ZFHX3: variants seen among roughly 807,000 people sequenced by gnomAD.
The protein encoded by ZFHX3 is zinc finger homeobox protein 3.
Under a neutral mutation model 279.1 loss-of-function variants are expected in ZFHX3, and 42 were observed. The observed-to-expected ratio is 0.15, with a 90% CI of 0.12 to 0.19. The LOEUF (loss-of-function observed/expected upper bound fraction) is 0.19, where lower values mean the gene tolerates loss of function less well. Among genes scored for constraint, ZFHX3 ranks in the 10% least tolerant of loss-of-function variants. ZFHX3 has a pLI of 1.00. For synonymous variants in ZFHX3, 2,293 were observed against 1,957.8 expected (o/e 1.17, Z -4.52); for missense variants, 4,981 against 4,754.0 (o/e 1.05, Z -1.40).
intron 1 of ZFHX3, among the ~76,000 whole-genome samples, chr16:73,685,828 T>A (rs1567551602): frequency 1.3e-5 from 2 of 152,188 alleles, no homozygotes; most frequent in African/African-American, 4.8e-5. Context: ...AATGCTCTTT[T>A]ATGAGCACCC....
chr16:73,024,671 C>T (rs957083755), intron 1 of ZFHX3, among the ~76,000 whole-genome samples: 10 of 152,342 alleles, frequency 6.6e-5, no homozygotes, highest in South Asian at 6.2e-4. Context: ...AGTCGGGTTC[C>T]GCCTCCCAGA....
chr16:73,207,623 A>G (rs996654780), intron 5 of ZFHX3, among the ~76,000 whole-genome samples: 5 of 152,318 alleles, frequency 3.3e-5, no homozygotes, highest in Admixed American at 3.3e-4. Flanking sequence ...CTCACTAGAG[A>G]GGCGATATCA....
chr16:73,473,007 G>A (rs1261478192), intron 2 of ZFHX3, among the ~76,000 whole-genome samples: 1 of 148,756 alleles, frequency 6.7e-6, no homozygotes, highest in East Asian at 2.0e-4. Context: ...TTTTTGCCAG[G>A]ACCCTGACTA....
intron 4 of ZFHX3, among the ~76,000 whole-genome samples, chr16:72,864,431 G>A (rs1038959455): frequency 1.8e-4 from 27 of 152,040 alleles, no homozygotes; most frequent in African/African-American, 5.3e-4. Context: ...TCAGAGCGTC[G>A]TGCTCTCTTG....
At chr16:73,537,883 A>G (rs372306246) in intron 2 of ZFHX3, among the ~76,000 whole-genome samples, 1 of 152,248 alleles carries the variant, frequency 6.6e-6, no homozygotes, top group South Asian at 2.1e-4. Context: ...TCAAGCCACA[A>G]AGTAGTATCT....
intron 7 of ZFHX3, among the ~76,000 whole-genome samples, chr16:73,129,840 C>T (rs377207391): frequency 1.4e-4 from 21 of 152,132 alleles, no homozygotes; most frequent in African/African-American, 4.3e-4. Flanking sequence ...TTGTACTTAA[C>T]GCTTAGCAAT....
At chr16:73,304,392 C>T (rs1330474952) in intron 4 of ZFHX3, among the ~76,000 whole-genome samples, 1 of 152,106 alleles carries the variant, frequency 6.6e-6, no homozygotes, top group East Asian at 1.9e-4. Flanking sequence ...TGGAGACATA[C>T]GCACCTTGAG....
In ZFHX3 at chr16:73,689,856, G is replaced by A. The variant is rs1169088873; in HGVS notation, c.-1607-9616C>T. ...TGTTGTTTTTTTGAGATGGAGTCTCGCTCTGTCGCCCAGGCTGGAGTGCAG... is the reference window on the plus strand; with the variant it reads ...TGTTGTTTTTTTGAGATGGAGTCTCACTCTGTCGCCCAGGCTGGAGTGCAG... On this transcript the variant is annotated intron_variant, in intron 1 of 17. Transcript: ENST00000641206. Among the ~76,000 whole-genome samples the A allele has an allele frequency of 6.7e-5, 10 of 149,120 alleles. No homozygotes were observed. The East Asian group carries it at 7.8e-4, about 12-fold the overall frequency.
At chr16:73,355,108 C>A (rs1049553185) in intron 3 of ZFHX3, among the ~76,000 whole-genome samples, 1 of 152,118 alleles carries the variant, frequency 6.6e-6, no homozygotes. Context: ...TCGGGGGATA[C>A]GTGTTCCATT....
intron 2 of ZFHX3, among the ~76,000 whole-genome samples, chr16:73,599,344 C>T (rs547551583): frequency 3.1e-4 from 47 of 152,314 alleles, no homozygotes; most frequent in African/African-American, 1.1e-3. Context: ...TACAATCTAT[C>T]CAAGAAAAGT....
In ZFHX3 at chr16:72,958,471, C is replaced by G; in HGVS notation, c.1675G>C (p.Val559Leu). 1 of 1,614,116 alleles carries G rather than the reference C, an allele frequency of 6.2e-7. No homozygotes were observed. The highest frequency in any genetic ancestry group is 1.7e-5 in the Admixed American group (1 of 60,020). Residue 559 changes from valine to leucine, a missense_variant, in exon 2 of 10, where the codon GTT (valine) becomes CTT (leucine). This residue lies in a region of ZFHX3 where 1,068 missense variants were observed against 935.2 expected (regional missense o/e 1.14). Coordinates refer to ENST00000268489, the MANE Select transcript of ZFHX3 (RefSeq NM_006885.4). The part of the protein sequence containing the change: ...STSSNSASSF[V>L]VFDGANRRNR... ...CTCCTGTTCGCACCATCAAAGACAA[C>G]AAAGGAAGAAGCAGAATTAGAACTA...
intron 4 of ZFHX3, among the ~76,000 whole-genome samples, chr16:73,288,718 C>T (rs960860272): frequency 2.4e-4 from 36 of 152,110 alleles, no homozygotes; most frequent in Non-Finnish European, 3.7e-4. Flanking sequence ...TGCCGCTCTA[C>T]ACAAAAGGCG....
rs191973630 is a variant in ZFHX3 at position 73,271,578 on chromosome 16, C to A, written c.-1193-14442G>T. On this transcript the variant is annotated intron_variant, in intron 4 of 17. Transcript: ENST00000641206. ...TTGTGCCCCTGGACATGTTCCTTAACCTCCCTGTCCCTCAGTTTCTTCACC... is the reference window on the plus strand; with the variant it reads ...TTGTGCCCCTGGACATGTTCCTTAAACTCCCTGTCCCTCAGTTTCTTCACC... Among the ~76,000 whole-genome samples the A allele has an allele frequency of 5.4e-4, 83 of 152,356 alleles. 1 individual carries two copies. Among genetic ancestry groups the A allele is most frequent in the African/African-American group, 1.7e-3 (69 of 41,584 alleles).
chr16:73,782,961 C>T (rs932679063), intron 1 of ZFHX3, among the ~76,000 whole-genome samples: 23 of 152,176 alleles, frequency 1.5e-4, no homozygotes, highest in African/African-American at 5.5e-4. Context: ...GTGAAAACTT[C>T]AGGATACATA....
intron 3 of ZFHX3, among the ~76,000 whole-genome samples, chr16:73,376,989 T>A (rs2016734241): frequency 6.6e-6 from 1 of 151,372 alleles, no homozygotes; most frequent in Non-Finnish European, 1.5e-5. Flanking sequence ...TTTTTTTTTT[T>A]GAGAGACAGA....
At chr16:72,912,066 A>G (rs11861250) in intron 3 of ZFHX3, among the ~76,000 whole-genome samples, 3 of 152,228 alleles carry the variant, frequency 2.0e-5, no homozygotes, top group Non-Finnish European at 2.9e-5. Flanking sequence ...GGGAGGATAA[A>G]AGGCGAGGCA....
intron 2 of ZFHX3, chr16:73,543,901 A>AGAGAGAGG (rs2020063458): frequency 6.6e-6 from 1 of 151,208 alleles, no homozygotes; most frequent in African/African-American, 2.5e-5. Context: ...AGAGAGAGAG[A>AGAGAGAGG]GAGAGAGAGA....
At chr16:73,009,482 A>G (rs963533465) in intron 1 of ZFHX3, among the ~76,000 whole-genome samples, 3 of 152,230 alleles carry the variant, frequency 2.0e-5, no homozygotes, top group Non-Finnish European at 4.4e-5. Flanking sequence ...TTTAAAAAAA[A>G]AACTCATTCC....
chr16:72,858,435 A>G (rs894713785), intron 4 of ZFHX3, among the ~76,000 whole-genome samples: 2 of 152,176 alleles, frequency 1.3e-5, no homozygotes, highest in Admixed American at 6.5e-5. Flanking sequence ...AGGGGGGAAA[A>G]TGTCCTTCAA....
Sources: allele counts gnomAD v4.1 joint callset (sites outside exome capture counted in the v4.1 genomes callset), GRCh38; gene constraint gnomAD v4.1.1; regional missense constraint gnomAD v4.1.1; transcripts MANE v1.5; gene names NCBI Gene and HGNC (gene_info 2026-07-23, HGNC 2026-07-21).